The following TMEM132D variants were observed in gnomAD, a reference collection of about 807,000 sequenced individuals.
TMEM132D encodes transmembrane protein 132D.
TMEM132D carries 21 observed loss-of-function variants against 62.3 expected under a neutral mutation model. That is an observed-to-expected ratio of 0.34 (90% CI 0.24 to 0.49). The LOEUF (loss-of-function observed/expected upper bound fraction) is 0.49. Ranked by LOEUF, TMEM132D falls within the 20% of genes least tolerant of loss-of-function variation. The probability of loss-of-function intolerance (pLI) is 0.99; values close to 1 mark genes in which losing one functional copy is unlikely to be tolerated. For synonymous variants in TMEM132D, 621 were observed against 575.6 expected (o/e 1.08, Z -1.13); for missense variants, 1,346 against 1,402.8 (o/e 0.96, Z 0.65).
At chr12:129,100,828 A>C (rs537224886) in intron 5 of TMEM132D, among the ~76,000 whole-genome samples, 10 of 152,328 alleles carry the variant, frequency 6.6e-5, no homozygotes, top group African/African-American at 2.4e-4. Flanking sequence ...AGAAAAGGTC[A>C]ATTTACAACT....
At position 129,075,051 on chromosome 12, in the gene TMEM132D, G is replaced by GGACCCA. The variant is rs750946481; in HGVS notation, c.2123_2124insTGGGTC (p.Ala708_Ile709insGlySer). Reference sequence around the variant, plus strand: ...CACTGAACTGGACCCAGCAACTGATGGCTGCTTCCTATGGAGAAAAATATG... The same window carrying GGACCCA: ...CACTGAACTGGACCCAGCAACTGATGGACCCAGCTGCTTCCTATGGAGAAAAATATG... On this transcript the variant is annotated inframe_insertion, in exon 9 of 9. Coordinates refer to ENST00000422113, the MANE Select transcript of TMEM132D (RefSeq NM_133448.3). 6.2e-7 allele frequency: 1 copy of GGACCCA among 1,604,248 alleles called. No homozygotes were observed. The highest frequency in any genetic ancestry group is 1.1e-5 in the South Asian group (1 of 90,692).
At chr12:129,823,268 C>T (rs185945320) in intron 1 of TMEM132D, among the ~76,000 whole-genome samples, 11 of 152,274 alleles carry the variant, frequency 7.2e-5, no homozygotes, top group Admixed American at 2.0e-4. Flanking sequence ...TACCTAGTCT[C>T]GACTATTTCT....
chr12:129,431,405 G>T (rs138325856), intron 3 of TMEM132D, among the ~76,000 whole-genome samples: 1 of 152,182 alleles, frequency 6.6e-6, no homozygotes, highest in Non-Finnish European at 1.5e-5. Flanking sequence ...CACATCTGTC[G>T]TATCTAGGCT....
chr12:129,432,854 C>A (rs541693340), intron 3 of TMEM132D, among the ~76,000 whole-genome samples: 1 of 152,252 alleles, frequency 6.6e-6, no homozygotes, highest in Admixed American at 6.5e-5. Context: ...GCAAGGTGAA[C>A]AATGTTACAG....
chr12:129,154,559 T>G (rs142480141), intron 5 of TMEM132D, among the ~76,000 whole-genome samples: 39 of 152,308 alleles, frequency 2.6e-4, no homozygotes, highest in African/African-American at 9.4e-4. Flanking sequence ...AATCATAAAT[T>G]TGTAAATAAG....
At chr12:129,705,699 T>C (rs184127021) in intron 1 of TMEM132D, among the ~76,000 whole-genome samples, 1 of 152,252 alleles carries the variant, frequency 6.6e-6, no homozygotes, top group Admixed American at 6.5e-5. Flanking sequence ...AATAGGAAAA[T>C]CATGTTAAAT....
At chr12:129,443,337 ATC>A (rs1394373698) in intron 3 of TMEM132D, among the ~76,000 whole-genome samples, 2 of 152,136 alleles carry the variant, frequency 1.3e-5, no homozygotes, top group African/African-American at 4.8e-5. Flanking sequence ...GTCTATGTCA[ATC>A]TCTGGGCATC....
intron 2 of TMEM132D, among the ~76,000 whole-genome samples, chr12:129,566,597 T>A (rs1877374162): frequency 6.6e-6 from 1 of 152,128 alleles, no homozygotes. Flanking sequence ...AATCAAAGTA[T>A]TTTACCCACT....
intron 1 of TMEM132D, among the ~76,000 whole-genome samples, chr12:129,798,933 T>A (rs1472664993): frequency 1.3e-5 from 2 of 152,208 alleles, no homozygotes; most frequent in Non-Finnish European, 2.9e-5. Flanking sequence ...TTTTTGCAAT[T>A]ACTCACAAAC....
At chr12:129,262,175 T>A (rs1880566165) in intron 4 of TMEM132D, among the ~76,000 whole-genome samples, 1 of 152,188 alleles carries the variant, frequency 6.6e-6, no homozygotes, top group Non-Finnish European at 1.5e-5. Flanking sequence ...AAGCAGAATA[T>A]ACGTCAGTTA....
rs192317314 is a variant in TMEM132D at position 129,404,717 on chromosome 12, A to G, written c.1116-66900T>C. Among the ~76,000 whole-genome samples the G allele has an allele frequency of 1.4e-3, 214 of 151,946 alleles. 4 individuals carry two copies. Among genetic ancestry groups the G allele is most frequent in the African/African-American group, 4.8e-3 (199 of 41,494 alleles). ...AGATGCCATACTCTTTTAAACAACC[A>G]GATCTCCTGTGAGATACCTGAGCAA... On this transcript the variant is annotated intron_variant, in intron 3 of 8. Transcript: ENST00000422113.
chr12:129,640,701 C>T (rs1879621198), intron 2 of TMEM132D, among the ~76,000 whole-genome samples: 1 of 152,166 alleles, frequency 6.6e-6, no homozygotes, highest in African/African-American at 2.4e-5. Flanking sequence ...GGGTCCCCAA[C>T]CCCCAGGACC....
intron 2 of TMEM132D, among the ~76,000 whole-genome samples, chr12:129,565,025 T>C (rs1466430025): frequency 6.6e-6 from 1 of 152,168 alleles, no homozygotes; most frequent in East Asian, 1.9e-4. Context: ...ACTCTGTGGT[T>C]AAACTGTCAG....
At chr12:129,512,558 A>G (rs1370519108) in intron 3 of TMEM132D, among the ~76,000 whole-genome samples, 5 of 152,226 alleles carry the variant, frequency 3.3e-5, no homozygotes, top group African/African-American at 1.2e-4. Flanking sequence ...TTTATTAGCT[A>G]TACAGTTTCT....
chr12:129,548,842 C>G (rs571138026), intron 2 of TMEM132D, among the ~76,000 whole-genome samples: 2 of 152,342 alleles, frequency 1.3e-5, no homozygotes, highest in African/African-American at 4.8e-5. Flanking sequence ...TTTCAACAAA[C>G]GACCTCCTTT....
At chr12:129,677,325 T>A (rs957849406) in intron 2 of TMEM132D, among the ~76,000 whole-genome samples, 2 of 152,164 alleles carry the variant, frequency 1.3e-5, no homozygotes, top group Non-Finnish European at 2.9e-5. Context: ...TCTCCCACCA[T>A]CCACATAAGA....
chr12:129,596,991 A>G (rs1370854051), intron 2 of TMEM132D, among the ~76,000 whole-genome samples: 1 of 152,200 alleles, frequency 6.6e-6, no homozygotes, highest in Non-Finnish European at 1.5e-5. Flanking sequence ...TCTAAATGCT[A>G]TGTTATGGTT....
chr12:129,200,139 G>T (rs1000251783), intron 5 of TMEM132D, among the ~76,000 whole-genome samples: 3 of 152,072 alleles, frequency 2.0e-5, no homozygotes, highest in African/African-American at 7.2e-5. Flanking sequence ...ACTTAATGGA[G>T]GGGGGACCAA....
At chr12:129,168,823 A>C (rs1223260004) in intron 5 of TMEM132D, among the ~76,000 whole-genome samples, 3 of 152,056 alleles carry the variant, frequency 2.0e-5, no homozygotes, top group Non-Finnish European at 4.4e-5. Flanking sequence ...GTGGGGAATC[A>C]CCCTTGGTTG....
Sources: allele counts gnomAD v4.1 joint callset (sites outside exome capture counted in the v4.1 genomes callset), GRCh38; gene constraint gnomAD v4.1.1; transcripts MANE v1.5; gene names NCBI Gene and HGNC (gene_info 2026-07-23, HGNC 2026-07-21).